The following NOD1 variants were observed in gnomAD, a reference collection of about 807,000 sequenced individuals.
The protein encoded by NOD1 is nucleotide binding oligomerization domain containing 1, also known as nucleotide-binding oligomerization domain-containing protein 1.
A neutral mutation model predicts 81.2 loss-of-function variants in NOD1; 70 were observed. The observed-to-expected ratio is 0.86, with a 90% CI of 0.71 to 1.05. The LOEUF is 1.05. NOD1 is among the 50% of genes least tolerant of loss of function. The pLI is 0.00. For missense variants in NOD1, 1,233 were observed against 1,228.0 expected (o/e 1.00, Z -0.06); for synonymous variants, 508 against 526.9 (o/e 0.96, Z 0.49).
At chr7:30,430,290 G>C (rs1783832640) in intron 12 of NOD1, among the ~76,000 whole-genome samples, 1 of 152,198 alleles carries the variant, frequency 6.6e-6, no homozygotes, top group Non-Finnish European at 1.5e-5. Flanking sequence ...GGGTAGCAGT[G>C]ATTCAAATGA....
Position 30,455,249 on chromosome 7 carries a change from G to A in NOD1, c.264C>T (p.Tyr88=). 1.2e-6 allele frequency: 2 copies of A among 1,614,194 alleles called. No homozygotes were observed. The highest frequency in any genetic ancestry group is 1.7e-6 in the Non-Finnish European group (2 of 1,180,034). ...KGEEVSEFFL[Y]LLQQLADAYV... ...AGGCATCTGCGAGTTGCTGGAGCAA[G>A]TAGAGGAAGAACTCGGACACCTCCT... The change falls in exon 5 of 14, where the codon TAC becomes TAT. Residue 88 remains tyrosine, a synonymous_variant. Coordinates refer to ENST00000222823, the MANE Select transcript of NOD1 (RefSeq NM_006092.4).
chr7:30,433,390 GCTC>G (rs1765744863), intron 11 of NOD1: 1 of 551,138 alleles, frequency 1.8e-6, no homozygotes. Context: ...CTGTACCTGG[GCTC>G]CTATTTCTTA....
chr7:30,432,335 G>T (rs1012749977), intron 12 of NOD1, among the ~76,000 whole-genome samples: 4 of 152,054 alleles, frequency 2.6e-5, no homozygotes, highest in Non-Finnish European at 5.9e-5. Context: ...CTCCCAGTAG[G>T]CACATAAAAA....
rs759166672 is a variant in NOD1 at position 30,448,396 on chromosome 7, C to CA, written c.2202-16dup. 1.2e-5 allele frequency: 19 copies of CA among 1,608,638 alleles called. No individual in the cohort carries two copies. The highest frequency in any genetic ancestry group is 1.6e-4 in the Middle Eastern group (1 of 6,074). ...TTACGCTGAGTCTGAAATAAAACAG[C>CA]AAAAAAATTACGAGTCAGGGCAGGC... On this transcript the variant is annotated splice_polypyrimidine_tract_variant and intron_variant, in intron 6 of 13. Coordinates refer to ENST00000222823, the MANE Select transcript of NOD1 (RefSeq NM_006092.4).
chr7:30,447,424 C>T (rs529567713), intron 7 of NOD1: 1 of 266,730 alleles, frequency 3.7e-6, no homozygotes, highest in Admixed American at 5.0e-5. Context: ...AGATTACATT[C>T]AGCGTCTTGA....
chr7:30,446,350 C>A, intron 8 of NOD1, 126 bp from the exon 9 acceptor site: 1 of 752,778 alleles, frequency 1.3e-6, no homozygotes, highest in Admixed American at 2.0e-5. Flanking sequence ...TTCTGGGATC[C>A]ACAAGAGCCA....
At position 30,452,748 on chromosome 7, in the gene NOD1, C is replaced by G. The variant is rs1292155481; in HGVS notation, c.669G>C (p.Arg223=). Residue 223 remains arginine, a synonymous_variant, in exon 6 of 14, where the codon CGG becomes CGC. Coordinates refer to ENST00000222823, the MANE Select transcript of NOD1 (RefSeq NM_006092.4). The part of the protein sequence containing the change: ...QRLQSLWATG[R]LDAGVKFFFH... The stretch of plus-strand genomic sequence containing the variant: ...AGAAGAATTTGACCCCTGCGTCTAG[C>G]CGGCCCGTGGCCCAGAGGCTCTGCA... 1 of 1,613,904 alleles carries G rather than the reference C, an allele frequency of 6.2e-7. No individual in the cohort carries two copies. The highest frequency in any genetic ancestry group is 8.5e-7 in the Non-Finnish European group (1 of 1,180,044).
chr7:30,455,008 C>G, intron 5 of NOD1, 129 bp downstream of exon 5: 1 of 902,984 alleles, frequency 1.1e-6, no homozygotes, highest in South Asian at 1.6e-5. Context: ...TCAGCTGTTC[C>G]TTTCTAAAAT....
intron 11 of NOD1, among the ~76,000 whole-genome samples, chr7:30,435,293 C>T (rs918282163): frequency 1.3e-5 from 2 of 152,060 alleles, no homozygotes; most frequent in African/African-American, 4.8e-5. Flanking sequence ...ATGTGAAGAC[C>T]TGGGGAAGGA....
chr7:30,430,982 A>C (rs1299296811), intron 12 of NOD1, among the ~76,000 whole-genome samples: 1 of 152,236 alleles, frequency 6.6e-6, no homozygotes, highest in Non-Finnish European at 1.5e-5. Flanking sequence ...GCTGTTTTCT[A>C]GTCACCACTT....
intron 6 of NOD1, among the ~76,000 whole-genome samples, chr7:30,450,432 G>C (rs1785570475): frequency 6.6e-6 from 1 of 152,190 alleles, no homozygotes; most frequent in South Asian, 2.1e-4. Context: ...AGAAATGCAT[G>C]AGTCAAGTAA....
intron 1 of NOD1, chr7:30,475,764 G>A (rs1224506897): frequency 6.6e-6 from 1 of 152,226 alleles, no homozygotes; most frequent in Non-Finnish European, 1.5e-5. Context: ...TTAAATAAGA[G>A]TTCAAGCCAG....
rs1329441115 is a variant in NOD1 at position 30,478,663 on chromosome 7, G to A, written c.-409C>T. On this transcript the variant is annotated 5_prime_UTR_variant, in exon 1 of 14. Coordinates refer to ENST00000222823, the MANE Select transcript of NOD1 (RefSeq NM_006092.4). The surrounding 1 kb of genome is among the most constrained non-coding windows in gnomAD (Gnocchi z 4.1). Reference sequence around the variant, plus strand: ...TGAGAGCTAGAGAAGAGCCCGGAGAGCGCCATGGTCCGGGGACGCCGGGGC... The same window carrying A: ...TGAGAGCTAGAGAAGAGCCCGGAGAACGCCATGGTCCGGGGACGCCGGGGC... The A allele has an allele frequency of 2.0e-5, 3 of 152,432 alleles. No homozygotes were observed. Among genetic ancestry groups the A allele is most frequent in the Non-Finnish European group, 4.4e-5 (3 of 68,204 alleles). The allele number at this position is 152,432 out of a possible 1,614,324, so 9.4% of individuals were successfully genotyped here. A position where few individuals can be genotyped will look rare whatever the true frequency, so the allele number is the denominator to read the frequency against.
Position 30,452,208 on chromosome 7 carries a change from G to A in NOD1, c.1209C>T (p.His403=), listed in dbSNP as rs921212664. ...GTGAGCCTTCAAAGGCAGCACGGAA[G>A]TGCTGGAAGCACCGGAAGATGATCC... ...FCWIIFRCFQ[H]FRAAFEGSPQ... The change falls in exon 6 of 14, where the codon CAC becomes CAT. Residue 403 remains histidine (H), a synonymous_variant. Coordinates refer to ENST00000222823, the MANE Select transcript of NOD1 (RefSeq NM_006092.4). 1.9e-6 allele frequency: 3 copies of A among 1,613,932 alleles called. No homozygotes were observed. In the Admixed American group the frequency reaches 5.0e-5, roughly 27 times the overall value.
At chr7:30,433,318 G>T in intron 11 of NOD1, 139 bp from the exon 12 acceptor site, 1 of 647,630 alleles carries the variant, frequency 1.5e-6, no homozygotes, top group Non-Finnish European at 2.7e-6. Flanking sequence ...AAAACAGCCA[G>T]GCTCCAAGCC....
chr7:30,474,132 A>C (rs555548377), intron 1 of NOD1, among the ~76,000 whole-genome samples: 1 of 152,354 alleles, frequency 6.6e-6, no homozygotes, highest in South Asian at 2.1e-4. Context: ...ACAGATTCAA[A>C]AGCCAAGGCT....
intron 6 of NOD1, among the ~76,000 whole-genome samples, chr7:30,450,528 C>T (rs999604233): frequency 4.6e-5 from 7 of 152,184 alleles, no homozygotes; most frequent in Non-Finnish European, 8.8e-5. Flanking sequence ...GGCTCTGTTT[C>T]CCGTAAACTA....
Position 30,455,148 on chromosome 7 carries a change from T to G in NOD1, c.365A>C (p.Asn122Thr), listed in dbSNP as rs879216683. 6.2e-7 allele frequency: 1 copy of G among 1,613,906 alleles called. No homozygotes were observed. The change falls in exon 5 of 14, where the codon AAC (asparagine) becomes ACC (threonine). Residue 122 changes from asparagine (N) to threonine (T), a missense_variant. Physicochemically the swap from Asn to Thr is moderately conservative, Grantham distance 65. Transcript: ENST00000222823. ...GGGCTGACTCCTACCTGGGTCAGTG[T>G]TGACCACGACTTTGCTCTGAGTGAG... ...SLLTQSKVVV[N>T]TDPVSRYTQQ... is the part of the protein sequence containing the mutation.
intron 1 of NOD1, chr7:30,460,516 A>G: frequency 1.0e-6 from 1 of 985,380 alleles, no homozygotes; most frequent in Non-Finnish European, 1.2e-6. Flanking sequence ...GAAGTTGGAG[A>G]TCCTGGTAAG....
Sources: gnomAD v4.1 joint callset for allele counts (sites outside exome capture counted in the v4.1 genomes callset) on GRCh38, gnomAD v4.1.1 for gene constraint, Gnocchi (gnomAD v3.1) non-coding constraint, MANE v1.5 for transcripts, NCBI Gene and HGNC (gene_info 2026-07-23, HGNC 2026-07-21) for gene names.